Variants in RANBP17 observed in about 807,000 individuals in gnomAD.
RANBP17 encodes ran-binding protein 17.
RANBP17 carries 158 observed loss-of-function variants against 141.2 expected under a neutral mutation model. That is an observed-to-expected ratio of 1.12 (90% CI 0.98 to 1.28). The LOEUF (loss-of-function observed/expected upper bound fraction) is 1.28, where lower values mean the gene tolerates loss of function less well. Among genes scored for constraint, RANBP17 ranks in the 50% most tolerant of loss-of-function variants. The pLI is 0.00. For synonymous variants in RANBP17, 430 were observed against 450.0 expected (o/e 0.96, Z 0.56); for missense variants, 1,438 against 1,290.7 (o/e 1.11, Z -1.75).
chr5:171,005,882 TCAAA>T (rs1253222557), intron 14 of RANBP17, among the ~76,000 whole-genome samples: 1 of 151,716 alleles, frequency 6.6e-6, no homozygotes, highest in Admixed American at 6.6e-5. Context: ...TACAATGAAC[TCAAA>T]CAAATTTACA....
At chr5:171,121,442 C>T (rs556058368) in intron 14 of RANBP17, among the ~76,000 whole-genome samples, 3 of 152,204 alleles carry the variant, frequency 2.0e-5, no homozygotes, top group African/African-American at 4.8e-5. Context: ...AGGGCCGTCG[C>T]GCAGGTCAGG....
chr5:170,923,840 G>A (rs770960977), intron 11 of RANBP17, among the ~76,000 whole-genome samples: 9 of 151,850 alleles, frequency 5.9e-5, no homozygotes, highest in Non-Finnish European at 1.2e-4. Context: ...TATTGACCTC[G>A]TATGCTATGA....
chr5:171,003,908 A>G (rs1174031935), intron 14 of RANBP17, among the ~76,000 whole-genome samples: 2 of 152,126 alleles, frequency 1.3e-5, no homozygotes, highest in Non-Finnish European at 2.9e-5. Flanking sequence ...GTTGTGGAGG[A>G]AGATATTGAG....
intron 18 of RANBP17, among the ~76,000 whole-genome samples, chr5:171,186,109 A>C (rs1761216330): frequency 1.3e-5 from 2 of 152,228 alleles, no homozygotes; most frequent in Admixed American, 1.3e-4. Context: ...CACTGGCATC[A>C]ACTTCAAGTC....
intron 14 of RANBP17, among the ~76,000 whole-genome samples, chr5:171,107,211 T>C (rs1374649613): frequency 6.6e-6 from 1 of 152,234 alleles, no homozygotes; most frequent in African/African-American, 2.4e-5. Context: ...AGCCTTTACA[T>C]GGTCAGCCTC....
chr5:171,121,880 T>C lies in RANBP17; in HGVS notation c.1711-48250T>C, dbSNP rs117937849. On this transcript the variant is annotated intron_variant, in intron 14 of 27. Coordinates refer to ENST00000523189, the MANE Select transcript of RANBP17 (RefSeq NM_022897.5). ...TCCAGAGGTGCCTCTGATCTCAAGA[T>C]GGCACTGTGCTACAGCAGCGTGGGG... is the stretch of plus-strand genomic sequence containing the variant. 2.4e-4 allele frequency among the ~76,000 whole-genome samples: 36 copies of C among 152,312 alleles called. No homozygotes were observed. The East Asian group carries it at 6.8e-3, about 29-fold the overall frequency.
At chr5:170,867,888 T>C (rs1050428332) in intron 1 of RANBP17, among the ~76,000 whole-genome samples, 2 of 152,186 alleles carry the variant, frequency 1.3e-5, no homozygotes, top group African/African-American at 4.8e-5. Context: ...TGTGCTCTTG[T>C]GCCCCTTTGT....
chr5:170,870,934 C>T (rs1361669679), intron 1 of RANBP17, among the ~76,000 whole-genome samples: 1 of 152,156 alleles, frequency 6.6e-6, no homozygotes, highest in Non-Finnish European at 1.5e-5. Flanking sequence ...GAAATGGTAT[C>T]TGGTTGTGGT....
At chr5:171,017,445 T>G (rs997310152) in intron 14 of RANBP17, among the ~76,000 whole-genome samples, 57 of 152,316 alleles carry the variant, frequency 3.7e-4, no homozygotes, top group African/African-American at 1.3e-3. Flanking sequence ...TAATCACCAT[T>G]CTGGCTGGTG....
chr5:171,187,720 T>C (rs1042465745), intron 18 of RANBP17, among the ~76,000 whole-genome samples: 1 of 152,298 alleles, frequency 6.6e-6, no homozygotes, highest in East Asian at 1.9e-4. Flanking sequence ...GTGAGAAGTA[T>C]TTACAGATAG....
intron 13 of RANBP17, among the ~76,000 whole-genome samples, chr5:170,966,533 GGGAC>G (rs1348230566): frequency 6.6e-6 from 1 of 152,132 alleles, no homozygotes; most frequent in Non-Finnish European, 1.5e-5. Context: ...AGGTATTGAT[GGGAC>G]GTATCTCAAA....
intron 2 of RANBP17, among the ~76,000 whole-genome samples, chr5:170,880,867 A>G (rs149674539): frequency 7.8e-4 from 119 of 152,332 alleles, no homozygotes; most frequent in Non-Finnish European, 1.2e-3. Context: ...GACAACACCC[A>G]TGGCTCTCTA....
At chr5:170,862,778 A>G (rs1322502056) in intron 1 of RANBP17, among the ~76,000 whole-genome samples, 2 of 152,200 alleles carry the variant, frequency 1.3e-5, no homozygotes, top group Non-Finnish European at 2.9e-5. Flanking sequence ...AACATTTATT[A>G]TCTCCCCACT....
chr5:171,170,886 C>G (rs1200811319), intron 15 of RANBP17, among the ~76,000 whole-genome samples: 3 of 152,094 alleles, frequency 2.0e-5, no homozygotes, highest in African/African-American at 7.2e-5. Flanking sequence ...ATTTGGCTTT[C>G]TTTGTAACTC....
intron 14 of RANBP17, among the ~76,000 whole-genome samples, chr5:171,062,180 G>A (rs957549762): frequency 2.0e-5 from 3 of 151,950 alleles, no homozygotes; most frequent in East Asian, 1.9e-4. Flanking sequence ...ATATTGTTAT[G>A]TGTGAATTTG....
At chr5:171,012,067 C>T (rs1156759122) in intron 14 of RANBP17, among the ~76,000 whole-genome samples, 2 of 92,920 alleles carry the variant, frequency 2.2e-5, no homozygotes, top group African/African-American at 3.0e-5. Context: ...TTTGTTTAAA[C>T]GAATATATTG....
At chr5:171,293,162 T>C (rs1319728416) in intron 25 of RANBP17, among the ~76,000 whole-genome samples, 2 of 152,216 alleles carry the variant, frequency 1.3e-5, no homozygotes, top group Non-Finnish European at 2.9e-5. Context: ...CCTCCTCGCA[T>C]GCCCACTGCA....
rs529303953 is a variant in RANBP17 at position 171,090,773 on chromosome 5, C to T, written c.1711-79357C>T. Among the ~76,000 whole-genome samples the T allele has an allele frequency of 9.2e-5, 14 of 152,304 alleles. No individual in the cohort carries two copies. The South Asian group carries it at 1.0e-3, about 11-fold the overall frequency. ...GATTAAAAGGGCCCAAGGTACAGCC[C>T]GGGCTGTTGCTTCAGAGGGTGGAAG... On this transcript the variant is annotated intron_variant, in intron 14 of 27. Coordinates refer to ENST00000523189, the MANE Select transcript of RANBP17 (RefSeq NM_022897.5).
intron 13 of RANBP17, among the ~76,000 whole-genome samples, chr5:170,966,169 G>A (rs1450306761): frequency 6.6e-6 from 1 of 151,926 alleles, no homozygotes; most frequent in African/African-American, 2.4e-5. Flanking sequence ...TAGAAAAAGA[G>A]GGAATCCTCC....
Sources: allele counts gnomAD v4.1 joint callset (sites outside exome capture counted in the v4.1 genomes callset), GRCh38; gene constraint gnomAD v4.1.1; transcripts MANE v1.5; gene names NCBI Gene and HGNC (gene_info 2026-07-23, HGNC 2026-07-21).